CENPE: variants seen among roughly 807,000 people sequenced by gnomAD.
CENPE encodes the protein centromere protein E, also known as centromere-associated protein E.
CENPE carries 145 observed loss-of-function variants against 336.1 expected under a neutral mutation model. The observed-to-expected ratio is 0.43, with a 90% CI of 0.38 to 0.50. CENPE has a LOEUF of 0.50. CENPE is among the 20% of genes least tolerant of loss of function. CENPE has a pLI of 0.00. For synonymous variants in CENPE, 1,013 were observed against 984.8 expected (o/e 1.03, Z -0.54); for missense variants, 2,719 against 3,023.3 (o/e 0.90, Z 2.36).
rs1560619404 is a variant in CENPE at position 103,140,873 on chromosome 4, C to T, written c.5695G>A (p.Glu1899Lys). 2 of 1,611,716 alleles carry T rather than the reference C, an allele frequency of 1.2e-6. No homozygotes were observed. Among genetic ancestry groups the T allele is most frequent in the South Asian group, 2.2e-5 (2 of 90,554 alleles). Reference protein sequence around the residue: ...KERDNLRRVEETLKLERDQLK... With the variant: ...KERDNLRRVEKTLKLERDQLK... ...TGGTCTCTCTCCAGTTTGAGTGTCTCCTCTACTCTTCTTAGATTATCTCTT... is the reference window on the plus strand; with the variant it reads ...TGGTCTCTCTCCAGTTTGAGTGTCTTCTCTACTCTTCTTAGATTATCTCTT... Residue 1899 changes from glutamate (E) to lysine (K), a missense_variant, in exon 36 of 49, where the codon GAG becomes AAG. Physicochemically the swap from Glu to Lys is moderately conservative, Grantham distance 56. Around this residue, in one of 5 missense-constraint regions of CENPE, gnomAD observed 2,437 missense variants for 2,513.3 expected, o/e 0.97. Transcript: ENST00000265148.
chr4:103,139,701 A>T, intron 38 of CENPE, 88 bp downstream of exon 38: 1 of 1,240,302 alleles, frequency 8.1e-7, no homozygotes, highest in South Asian at 1.6e-5. Flanking sequence ...AGGAATTTCC[A>T]GAGAAAGAAA....
chr4:103,176,621 C>T (rs1488131340), intron 14 of CENPE, among the ~76,000 whole-genome samples: 1 of 152,020 alleles, frequency 6.6e-6, no homozygotes. Flanking sequence ...TGGAGTGCAA[C>T]GGGTCTTGGC....
intron 9 of CENPE, among the ~76,000 whole-genome samples, chr4:103,185,165 C>T (rs1321814976): frequency 2.0e-5 from 3 of 151,848 alleles, no homozygotes; most frequent in South Asian, 2.1e-4. Flanking sequence ...ATTAGCTGGG[C>T]GTGATGGTGC....
intron 1 of CENPE, among the ~76,000 whole-genome samples, chr4:103,198,018 A>G (rs988065290): frequency 7.2e-5 from 11 of 152,352 alleles, no homozygotes; most frequent in Middle Eastern, 3.4e-3. Context: ...AGCAGCACAG[A>G]AGGGAAGGTC....
At chr4:103,194,025 A>G (rs893840529) in intron 8 of CENPE, among the ~76,000 whole-genome samples, 14 of 152,054 alleles carry the variant, frequency 9.2e-5, no homozygotes, top group African/African-American at 2.4e-5. Flanking sequence ...CAACCATGAC[A>G]TAACAGGAAG....
chr4:103,115,044 G>A (rs778320317), intron 45 of CENPE, among the ~76,000 whole-genome samples: 4 of 152,114 alleles, frequency 2.6e-5, no homozygotes, highest in Non-Finnish European at 4.4e-5. Flanking sequence ...GTTAGTTTAC[G>A]CATTAATCAG....
At chr4:103,114,677 A>G (rs1749924641) in intron 45 of CENPE, 125 bp from the exon 46 acceptor site, 1 of 642,412 alleles carries the variant, frequency 1.6e-6, no homozygotes, top group East Asian at 2.7e-5. Flanking sequence ...GTGGCAGTAG[A>G]TAAGCCCTCG....
At chr4:103,115,858 G>A (rs889800244) in intron 45 of CENPE, among the ~76,000 whole-genome samples, 1 of 151,434 alleles carries the variant, frequency 6.6e-6, no homozygotes, top group Non-Finnish European at 1.5e-5. Context: ...AGCCTCCCAA[G>A]TAGCTGGGAC....
chr4:103,175,125 A>G (rs1755746709), intron 15 of CENPE, among the ~76,000 whole-genome samples: 1 of 152,018 alleles, frequency 6.6e-6, no homozygotes, highest in Admixed American at 6.6e-5. Flanking sequence ...CTGACAGGGA[A>G]TTTTGACCAT....
intron 46 of CENPE, among the ~76,000 whole-genome samples, chr4:103,112,339 TTATA>T (rs1340592453): frequency 1.4e-5 from 2 of 143,610 alleles, no homozygotes; most frequent in Non-Finnish European, 3.1e-5. Flanking sequence ...ATATATACAC[TTATA>T]TATAAGTATA....
At chr4:103,134,635 CAAAA>C (rs36085712) in intron 40 of CENPE, among the ~76,000 whole-genome samples, 3 of 64,776 alleles carry the variant, frequency 4.6e-5, no homozygotes, top group Admixed American at 1.8e-4. Flanking sequence ...GACTCCGTCT[CAAAA>C]AAAAAAAAAA....
chr4:103,159,412 G>C (rs1754242893), intron 21 of CENPE, 88 bp from the exon 22 acceptor site: 1 of 802,056 alleles, frequency 1.2e-6, no homozygotes, highest in Non-Finnish European at 1.8e-6. Context: ...TCTGCAAAAA[G>C]AGAAGTTATT....
Position 103,110,814 on chromosome 4 carries a change from T to C in CENPE, c.7724+14A>G, listed in dbSNP as rs767345486. ...CCGTAAGCATAATATCCGTATCATG[T>C]AAGCAGATCTTACCTTAACAATTCA... On this transcript the variant is annotated intron_variant, in intron 47 of 48. Transcript: ENST00000265148. The C allele has an allele frequency of 1.3e-6, 2 of 1,565,418 alleles. No homozygotes were observed. The highest frequency in any genetic ancestry group is 1.2e-5 in the South Asian group (1 of 83,084).
At chr4:103,132,499 G>GT (rs1751675011) in intron 42 of CENPE, among the ~76,000 whole-genome samples, 194 bp downstream of exon 42, 1 of 152,042 alleles carries the variant, frequency 6.6e-6, no homozygotes, top group Non-Finnish European at 1.5e-5. Flanking sequence ...TATACAACAA[G>GT]ATTTCGTTAC....
intron 9 of CENPE, 107 bp from the exon 10 acceptor site, chr4:103,183,395 C>G: frequency 1.2e-6 from 1 of 827,328 alleles, no homozygotes; most frequent in Non-Finnish European, 1.9e-6. Flanking sequence ...ATGCTAAAGT[C>G]TATGCTCTGG....
At position 103,180,455 on chromosome 4, in the gene CENPE, C is replaced by T. The variant is rs1381216357; in HGVS notation, c.1098G>A (p.Thr366=). ...KKQLEEVSLE[T]RAQAMEKDQL... is the part of the protein sequence containing the mutation. ...GGTCTTTTTCCATTGCCTGAGCCCG[C>T]GTCTCTAAAGAAACCTATAGAATGC... The change falls in exon 13 of 49, where the codon ACG becomes ACA. Residue 366 remains threonine (T), a synonymous_variant. Coordinates refer to ENST00000265148, the MANE Select transcript of CENPE (RefSeq NM_001813.3). 9.3e-6 allele frequency: 15 copies of T among 1,609,284 alleles called. No individual in the cohort carries two copies. The highest frequency in any genetic ancestry group is 5.5e-5 in the South Asian group (5 of 90,358).
At chr4:103,162,980 C>T (rs1482130018) in intron 18 of CENPE, among the ~76,000 whole-genome samples, 157 bp downstream of exon 18, 1 of 152,052 alleles carries the variant, frequency 6.6e-6, no homozygotes, top group African/African-American at 2.4e-5. Flanking sequence ...TACTAACAGT[C>T]CCTATCTCAT....
At chr4:103,136,087 C>T in intron 40 of CENPE, 54 bp downstream of exon 40, 1 of 1,422,462 alleles carries the variant, frequency 7.0e-7, no homozygotes, top group Non-Finnish European at 9.8e-7. Flanking sequence ...GACTTAAATA[C>T]ATTGATGTTT....
intron 8 of CENPE, among the ~76,000 whole-genome samples, chr4:103,186,296 T>C (rs563528290): frequency 6.6e-6 from 1 of 152,322 alleles, no homozygotes; most frequent in African/African-American, 2.4e-5. Context: ...TATTCTGTCC[T>C]TATTCTTTAT....
Sources: gnomAD v4.1 joint callset for allele counts (sites outside exome capture counted in the v4.1 genomes callset) on GRCh38, gnomAD v4.1.1 for gene constraint, gnomAD v4.1.1 regional missense constraint, MANE v1.5 for transcripts, NCBI Gene and HGNC (gene_info 2026-07-23, HGNC 2026-07-21) for gene names.